The following KPNA7 variants were observed in gnomAD, a reference collection of about 807,000 sequenced individuals.
KPNA7 encodes the protein karyopherin subunit alpha 7, also known as importin subunit alpha-8.
Under a neutral mutation model 53.7 loss-of-function variants are expected in KPNA7, and 54 were observed. The ratio of observed to expected loss-of-function variants is 1.01; its 90% CI spans 0.81 to 1.26. The LOEUF (loss-of-function observed/expected upper bound fraction) is 1.26, where lower values mean the gene tolerates loss of function less well. Among genes scored for constraint, KPNA7 ranks in the 50% most tolerant of loss-of-function variants. The pLI, the probability that KPNA7 is intolerant of heterozygous loss-of-function variation, is 0.00. For synonymous variants in KPNA7, 276 were observed against 259.3 expected (o/e 1.06, Z -0.62); for missense variants, 640 against 644.5 (o/e 0.99, Z 0.07).
the KPNA7 span, among the ~76,000 whole-genome samples, chr7:99,147,716 G>A: frequency 6.6e-6 from 1 of 152,120 alleles, no homozygotes; most frequent in Admixed American, 6.5e-5. Flanking sequence ...TCTTGAACCC[G>A]GGAGGCGGAG....
At chr7:99,168,783 C>A (rs1158724167), downstream of KPNA7, among the ~76,000 whole-genome samples, 2 of 152,224 alleles carry the variant, frequency 1.3e-5, no homozygotes, top group Non-Finnish European at 2.9e-5. Flanking sequence ...CAGGTGCACA[C>A]CACTACACCC....
chr7:99,208,386 G>C (rs886186591), upstream of KPNA7, among the ~76,000 whole-genome samples: 10 of 152,148 alleles, frequency 6.6e-5, no homozygotes, highest in African/African-American at 2.4e-4. Context: ...CTCCCGAGTA[G>C]CTGGGACTAC....
chr7:99,158,316 T>A, the KPNA7 span, among the ~76,000 whole-genome samples: 10 of 152,180 alleles, frequency 6.6e-5, no homozygotes, highest in Admixed American at 1.3e-4. Flanking sequence ...GGGGAAATGG[T>A]ATTATCTGAT....
intron 7 of KPNA7, among the ~76,000 whole-genome samples, chr7:99,186,232 C>A (rs967452130): frequency 6.6e-6 from 1 of 152,156 alleles, no homozygotes; most frequent in African/African-American, 2.4e-5. Flanking sequence ...AGAAGATCCC[C>A]AGGACAGGTC....
chr7:99,190,038 T>G (rs16867592), intron 6 of KPNA7, among the ~76,000 whole-genome samples: 1 of 151,934 alleles, frequency 6.6e-6, no homozygotes, highest in Non-Finnish European at 1.5e-5. Flanking sequence ...GTCAGCCCTT[T>G]CTTTTTGAAG....
chr7:99,160,876 T>G, the KPNA7 span, among the ~76,000 whole-genome samples: 1 of 150,612 alleles, frequency 6.6e-6, no homozygotes, highest in Non-Finnish European at 1.5e-5. Context: ...TATGCCACCT[T>G]TTTTTTTTGA....
At chr7:99,185,848 T>C (rs1789559443) in intron 7 of KPNA7, among the ~76,000 whole-genome samples, 1 of 152,172 alleles carries the variant, frequency 6.6e-6, no homozygotes, top group Non-Finnish European at 1.5e-5. Context: ...TGGAGTATAG[T>C]GGTACGATTT....
At chr7:99,179,578 T>TTATTTA (rs1267502742) in intron 9 of KPNA7, among the ~76,000 whole-genome samples, 7 of 150,772 alleles carry the variant, frequency 4.6e-5, no homozygotes, top group Admixed American at 2.0e-4. Context: ...TATATTTATA[T>TTATTTA]TATTTATATT....
chr7:99,182,137 C>A, intron 8 of KPNA7, 72 bp from the exon 9 acceptor site: 1 of 1,221,250 alleles, frequency 8.2e-7, no homozygotes, highest in East Asian at 2.7e-5. Flanking sequence ...ACTTGGTTCA[C>A]TTTCTAGGGA....
chr7:99,152,786 A>G, the KPNA7 span, among the ~76,000 whole-genome samples: 5 of 152,146 alleles, frequency 3.3e-5, no homozygotes, highest in Non-Finnish European at 5.9e-5. Context: ...AGACATCGCA[A>G]TCTGCTCAGA....
chr7:99,154,112 C>T, the KPNA7 span, among the ~76,000 whole-genome samples: 1 of 151,282 alleles, frequency 6.6e-6, no homozygotes, highest in Non-Finnish European at 1.5e-5. Context: ...AATGATTCAC[C>T]AAAATGAGAA....
chr7:99,147,898 T>C, the KPNA7 span, among the ~76,000 whole-genome samples: 1 of 152,030 alleles, frequency 6.6e-6, no homozygotes, highest in African/African-American at 2.4e-5. Context: ...ATGTCTGTAG[T>C]CCCAGCTACT....
intron 3 of KPNA7, among the ~76,000 whole-genome samples, chr7:99,196,772 G>A (rs1234255270): frequency 6.6e-6 from 1 of 152,036 alleles, no homozygotes; most frequent in African/African-American, 2.4e-5. Flanking sequence ...TCCTCCTTTG[G>A]AGCCTCATTC....
At chr7:99,182,217 C>CT (rs1172231852) in intron 8 of KPNA7, among the ~76,000 whole-genome samples, 152 bp from the exon 9 acceptor site, 1 of 151,908 alleles carries the variant, frequency 6.6e-6, no homozygotes, top group African/African-American at 2.4e-5. Context: ...CTAGCTCTTT[C>CT]TTTCCCCCCT....
At chr7:99,164,644 AAAT>A in the KPNA7 span, among the ~76,000 whole-genome samples, 5 of 130,650 alleles carry the variant, frequency 3.8e-5, no homozygotes, top group South Asian at 2.4e-4. Context: ...AAAAAAAAAA[AAAT>A]TTCTCGAAAG....
chr7:99,161,335 C>G, the KPNA7 span, among the ~76,000 whole-genome samples: 46 of 152,028 alleles, frequency 3.0e-4, no homozygotes, highest in African/African-American at 1.1e-3. Flanking sequence ...CAAGGGAAAG[C>G]CTGTGTAGCG....
chr7:99,212,882 GT>G (rs1418430920), upstream of KPNA7, among the ~76,000 whole-genome samples: 1 of 151,830 alleles, frequency 6.6e-6, no homozygotes, highest in Non-Finnish European at 1.5e-5. Flanking sequence ...CAGAGACCCT[GT>G]CTCAAAAAGA....
rs58257703 is a variant in KPNA7, at chr7:99,190,335, C to CAAAAAAA, written c.637-1779_637-1773dup. Among the ~76,000 whole-genome samples the CAAAAAAA allele has an allele frequency of 7.6e-3, 756 of 99,354 alleles. 5 individuals are homozygous for CAAAAAAA. The highest frequency in any genetic ancestry group is 0.02 in the African/African-American group (576 of 29,046). 65.2% of individuals were successfully genotyped at this position (99,354 alleles called of 152,430 possible). On this transcript the variant is annotated intron_variant, in intron 6 of 10. Coordinates refer to ENST00000327442, the MANE Select transcript of KPNA7 (RefSeq NM_001145715.3). ...CTGGTGACAGAGCAAGACTCTGTCT[C>CAAAAAAA]AAAAAAAAAAAAAAGCAGAAAAAAA...
At chr7:99,212,233 C>CTT (rs34555248), upstream of KPNA7, among the ~76,000 whole-genome samples, 84 of 47,218 alleles carry the variant, frequency 1.8e-3, 4 homozygotes, top group African/African-American at 6.2e-3. Flanking sequence ...CACATGTGTC[C>CTT]TTTTTTTTTT....
Sources: allele counts gnomAD v4.1 joint callset (sites outside exome capture counted in the v4.1 genomes callset), GRCh38; gene constraint gnomAD v4.1.1; transcripts MANE v1.5; gene names NCBI Gene and HGNC (gene_info 2026-07-23, HGNC 2026-07-21).